CHIC1: variants seen among roughly 807,000 people sequenced by gnomAD.
The protein encoded by CHIC1 is cysteine-rich hydrophobic domain-containing protein 1.
In CHIC1, 7 loss-of-function variants were observed where a neutral mutation model predicts 18.5. The observed-to-expected ratio is 0.38, with a 90% CI of 0.22 to 0.71. The LOEUF (loss-of-function observed/expected upper bound fraction) is 0.71, where lower values mean the gene tolerates loss of function less well. Ranked by LOEUF, CHIC1 falls within the 30% of genes least tolerant of loss-of-function variation. CHIC1 has a pLI of 0.49. For synonymous variants in CHIC1, 77 were observed against 73.5 expected (o/e 1.05, Z -0.25); for missense variants, 159 against 176.9 (o/e 0.90, Z 0.57).
At chrX:73,623,627 C>T (rs2057770647) in intron 3 of CHIC1, among the ~76,000 whole-genome samples, 2 of 110,769 alleles carry the variant, frequency 1.8e-5, no homozygotes, top group South Asian at 7.6e-4. Flanking sequence ...TTGCTTAAGC[C>T]TTCAGCTTTA....
chrX:73,660,012 T>A (rs749244935), intron 3 of CHIC1, among the ~76,000 whole-genome samples: 21 of 112,036 alleles, frequency 1.9e-4, no homozygotes, highest in Non-Finnish European at 3.0e-4. Flanking sequence ...TATAATTGCC[T>A]AACTGGAGGC....
intron 3 of CHIC1, among the ~76,000 whole-genome samples, chrX:73,642,108 G>T (rs2057860078): frequency 9.0e-6 from 1 of 111,614 alleles, no homozygotes; most frequent in African/African-American, 3.3e-5. Context: ...ACTTCCACAA[G>T]GATCGAACTA....
intron 3 of CHIC1, among the ~76,000 whole-genome samples, chrX:73,594,201 C>T (rs1431723274): frequency 9.3e-6 from 1 of 107,610 alleles, no homozygotes; most frequent in Non-Finnish European, 1.9e-5. Flanking sequence ...GGCAGAGTCT[C>T]GCTCAGTCAC....
chrX:73,572,649 G>A (rs919700641), intron 1 of CHIC1, among the ~76,000 whole-genome samples: 6 of 110,926 alleles, frequency 5.4e-5, no homozygotes, highest in African/African-American at 2.0e-4. Context: ...TTTAATAATT[G>A]CCATTCTGAC....
intron 3 of CHIC1, among the ~76,000 whole-genome samples, chrX:73,668,063 T>G (rs954653380): frequency 8.9e-6 from 1 of 111,988 alleles, no homozygotes; most frequent in Non-Finnish European, 1.9e-5. Context: ...TCATTCCTTT[T>G]CATTCTTTTA....
At chrX:73,603,571 C>CT (rs1225905086) in intron 3 of CHIC1, among the ~76,000 whole-genome samples, 1 of 108,472 alleles carries the variant, frequency 9.2e-6, no homozygotes, top group African/African-American at 3.6e-5. Context: ...GCATCCTTGT[C>CT]TTGTGCCGGT....
At chrX:73,643,142 G>C (rs1357508070) in intron 3 of CHIC1, among the ~76,000 whole-genome samples, 2 of 111,605 alleles carry the variant, frequency 1.8e-5, no homozygotes, top group African/African-American at 6.5e-5. Context: ...AGTTTGGCTG[G>C]ATATGAAATT....
chrX:73,680,775 A>G (rs1159595575), intron 5 of CHIC1, among the ~76,000 whole-genome samples, 180 bp from the exon 6 acceptor site: 1 of 111,317 alleles, frequency 9.0e-6, no homozygotes, highest in East Asian at 2.8e-4. Context: ...TAAATTGCCA[A>G]TCTAATAACA....
At chrX:73,584,097 A>G (rs2057540959) in intron 2 of CHIC1, among the ~76,000 whole-genome samples, 1 of 111,058 alleles carries the variant, frequency 9.0e-6, no homozygotes, top group African/African-American at 3.3e-5. Flanking sequence ...GAGACTATCA[A>G]TTATACTGCC....
At chrX:73,660,775 AG>A (rs1407093004) in intron 3 of CHIC1, among the ~76,000 whole-genome samples, 1 of 111,260 alleles carries the variant, frequency 9.0e-6, no homozygotes, top group African/African-American at 3.3e-5. Flanking sequence ...AGAGGACCTG[AG>A]GGGGTATGAA....
intron 2 of CHIC1, among the ~76,000 whole-genome samples, chrX:73,583,381 G>A (rs1213993868): frequency 1.8e-5 from 2 of 110,832 alleles, no homozygotes; most frequent in Non-Finnish European, 3.8e-5. Flanking sequence ...TTGATTCCTC[G>A]AGTACAATTT....
chrX:73,641,417 C>T (rs1041814197), intron 3 of CHIC1, among the ~76,000 whole-genome samples: 2 of 110,776 alleles, frequency 1.8e-5, no homozygotes, highest in Non-Finnish European at 3.8e-5. Flanking sequence ...CTAACTGAAA[C>T]TTTGTATCCT....
intron 3 of CHIC1, among the ~76,000 whole-genome samples, chrX:73,660,529 A>G (rs1005007301): frequency 2.0e-4 from 22 of 112,223 alleles, no homozygotes; most frequent in African/African-American, 7.1e-4. Context: ...AACAGAGAGC[A>G]TAGCAAGGAA....
chrX:73,649,992 G>T (rs1026276101), intron 3 of CHIC1, among the ~76,000 whole-genome samples: 7 of 112,292 alleles, frequency 6.2e-5, no homozygotes, highest in African/African-American at 2.3e-4. Context: ...CAGTCTCTCA[G>T]ACCACAGTGC....
intron 2 of CHIC1, 130 bp from the exon 3 acceptor site, chrX:73,584,287 A>G: frequency 1.8e-6 from 1 of 550,329 alleles, no homozygotes; most frequent in South Asian, 5.4e-5. Context: ...GCGTGAACAT[A>G]TTTATGGGGA....
chrX:73,649,581 AACAG>A (rs1218573307), intron 3 of CHIC1, among the ~76,000 whole-genome samples: 5 of 111,985 alleles, frequency 4.5e-5, no homozygotes, highest in African/African-American at 1.3e-4. Flanking sequence ...CAAAGATCAA[AACAG>A]ACAAAGAAGG....
At chrX:73,649,653 A>G (rs1256767808) in intron 3 of CHIC1, among the ~76,000 whole-genome samples, 1 of 112,234 alleles carries the variant, frequency 8.9e-6, no homozygotes, top group Non-Finnish European at 1.9e-5. Flanking sequence ...TCCTAAACAT[A>G]TATGCACCCA....
At chrX:73,623,680 C>G (rs1444774567) in intron 3 of CHIC1, among the ~76,000 whole-genome samples, 2 of 110,506 alleles carry the variant, frequency 1.8e-5, no homozygotes, top group African/African-American at 6.6e-5. Context: ...CTAAACTTAG[C>G]AAAAAAAATT....
chrX:73,627,217 C>T (rs1212530678), intron 3 of CHIC1, among the ~76,000 whole-genome samples: 1 of 111,612 alleles, frequency 9.0e-6, no homozygotes, highest in African/African-American at 3.3e-5. Context: ...ACATAAGCAC[C>T]CCTGTGGCCA....
Sources: gnomAD v4.1 joint callset for allele counts (sites outside exome capture counted in the v4.1 genomes callset) on GRCh38, gnomAD v4.1.1 for gene constraint, MANE v1.5 for transcripts, NCBI Gene and HGNC (gene_info 2026-07-23, HGNC 2026-07-21) for gene names.